The following CFAP70 variants were observed in gnomAD, a reference collection of about 807,000 sequenced individuals.
The protein encoded by CFAP70 is cilia- and flagella-associated protein 70.
CFAP70 carries 81 observed loss-of-function variants against 137.6 expected under a neutral mutation model. The observed-to-expected ratio is 0.59, with a 90% CI of 0.49 to 0.71. The LOEUF is 0.71. Among genes scored for constraint, CFAP70 ranks in the 30% least tolerant of loss-of-function variants. The pLI is 0.00. For missense variants in CFAP70, 976 were observed against 1,226.7 expected, an observed-to-expected ratio of 0.80 and a Z score of 3.05; for synonymous variants, 382 against 423.6, an observed-to-expected ratio of 0.90 and a Z score of 1.20.
chr10:73,312,664 CAAAA>C, intron 9 of CFAP70, 21 bp from the exon 11 acceptor site: 1 of 1,515,592 alleles, frequency 6.6e-7, no homozygotes, highest in South Asian at 1.3e-5. Flanking sequence ...AAAAAACAAA[CAAAA>C]AAAAGCAATA....
chr10:73,308,621 TC>T lies in CFAP70; in HGVS notation c.1256+1536del, dbSNP rs1213668499. 3.4e-4 allele frequency among the ~76,000 whole-genome samples: 41 copies of T among 121,560 alleles called. No homozygotes were observed. The East Asian group carries it at 9.5e-3, about 28-fold the overall frequency. The allele number at this position is 121,560 out of a possible 152,430, so 79.7% of individuals were successfully genotyped here. On this transcript the variant is annotated intron_variant, in intron 12 of 26. Transcript: ENST00000310715. Reference sequence around the variant, plus strand: ...CCAGCTTGGGCAACAAGAGTGAAACTCCGTCTCAAAAAAAAAAAAAAAAAGA... The same window carrying T: ...CCAGCTTGGGCAACAAGAGTGAAACTCGTCTCAAAAAAAAAAAAAAAAAGA...
intron 6 of CFAP70, among the ~76,000 whole-genome samples, chr10:73,339,301 C>G (rs2053016638): frequency 6.6e-6 from 1 of 151,436 alleles, no homozygotes; most frequent in South Asian, 2.1e-4. Flanking sequence ...GAAACCTTTT[C>G]TTTACTTTTC....
intron 12 of CFAP70, among the ~76,000 whole-genome samples, chr10:73,302,826 G>A (rs937395040): frequency 7.2e-5 from 11 of 151,742 alleles, no homozygotes; most frequent in Admixed American, 3.9e-4. Context: ...AGCCTGCAAC[G>A]AAAGGCAAAT....
At chr10:73,323,846 A>G (rs2051119735) in intron 8 of CFAP70, among the ~76,000 whole-genome samples, 1 of 152,230 alleles carries the variant, frequency 6.6e-6, no homozygotes, top group Admixed American at 6.5e-5. Flanking sequence ...GGTGGAGCCC[A>G]CCACAGCTCA....
At chr10:73,350,178 G>A (rs1041198146) in intron 3 of CFAP70, among the ~76,000 whole-genome samples, 13 of 152,224 alleles carry the variant, frequency 8.5e-5, no homozygotes, top group African/African-American at 2.9e-4. Context: ...GAAGACACCA[G>A]GCCAATAGTT....
At chr10:73,326,793 C>G (rs1392841382) in intron 8 of CFAP70, among the ~76,000 whole-genome samples, 4 of 151,264 alleles carry the variant, frequency 2.6e-5, no homozygotes, top group African/African-American at 9.7e-5. Context: ...CCAGGAAGAA[C>G]TTGAATCTCT....
At position 73,275,675 on chromosome 10, in the gene CFAP70, GATA is replaced by G; in HGVS notation, c.2521-80_2521-78del. ...TTTTCGGTTGAAGGATTCTGTCTCT[GATA>G]ATAAATAATACGAAATGTATTACAG... On this transcript the variant is annotated intron_variant, in intron 21 of 26. Coordinates refer to ENST00000310715, the Ensembl canonical transcript of CFAP70. This position sits in a 1 kb window ranked among gnomAD's most constrained non-coding sequence, Gnocchi z 4.0. 1 of 1,231,018 alleles carries G rather than the reference GATA, an allele frequency of 8.1e-7. No homozygotes were observed. The highest frequency in any genetic ancestry group is 1.1e-6 in the Non-Finnish European group (1 of 914,268). The allele number at this position is 1,231,018 out of a possible 1,614,324, so 76.3% of individuals were successfully genotyped here.
intron 12 of CFAP70, among the ~76,000 whole-genome samples, chr10:73,303,062 A>G (rs1589412017): frequency 6.6e-6 from 1 of 150,392 alleles, no homozygotes; most frequent in Non-Finnish European, 1.5e-5. Context: ...ACACCCAACT[A>G]ATTTTTTTAT....
In CFAP70 at chr10:73,303,571, C is replaced by G. The variant is rs1589413802; in HGVS notation, c.1257-3906G>C. On this transcript the variant is annotated intron_variant, in intron 12 of 26. Coordinates refer to ENST00000310715, the Ensembl canonical transcript of CFAP70. Reference sequence around the variant, plus strand: ...TCTATAATTTTATCACTTGGCCTAGCTTGGAGAAGAAATGCCTTTGAAAAA... The same window carrying G: ...TCTATAATTTTATCACTTGGCCTAGGTTGGAGAAGAAATGCCTTTGAAAAA... 3.3e-5 allele frequency among the ~76,000 whole-genome samples: 5 copies of G among 151,026 alleles called. No homozygotes were observed. In the East Asian group the frequency reaches 1.0e-3, roughly 30 times the overall value.
At chr10:73,269,347 T>C (rs1293357047) in intron 25 of CFAP70, among the ~76,000 whole-genome samples, 1 of 152,226 alleles carries the variant, frequency 6.6e-6, no homozygotes, top group Non-Finnish European at 1.5e-5. Context: ...CATCAATCTG[T>C]GACCTAGTTT....
chr10:73,321,290 C>T (rs1646793918), intron 9 of CFAP70, among the ~76,000 whole-genome samples: 1 of 152,036 alleles, frequency 6.6e-6, no homozygotes. Context: ...TGGTAGCATG[C>T]ACCTGTAATC....
At position 73,291,976 on chromosome 10, in the gene CFAP70, C is replaced by T. The variant is rs749161788; in HGVS notation, c.1809G>A (p.Leu603=). Residue 603 remains leucine (L), a synonymous_variant, in exon 17 of 27, where the codon TTG becomes TTA. Transcript: ENST00000310715. ...TTAGGAGGCAGAAGGCACCATAGTC[C>T]AACCAGTGATCCAGATTCTGGGGCT... 9.9e-6 allele frequency: 16 copies of T among 1,614,018 alleles called. No individual in the cohort carries two copies. In the East Asian group the frequency reaches 3.3e-4, roughly 34 times the overall value.
rs1295182915 is a variant in CFAP70 at position 73,272,913 on chromosome 10, C to G, written c.2925+15G>C. 6.4e-7 allele frequency: 1 copy of G among 1,550,600 alleles called. No homozygotes were observed. The highest frequency in any genetic ancestry group is 8.7e-7 in the Non-Finnish European group (1 of 1,146,084). On this transcript the variant is annotated intron_variant, in intron 24 of 26. Transcript: ENST00000310715. ...CTGTATCCACAGCCCTAGTCTCAAG[C>G]CTTCATCCTCTTACCCGATAGCAGG... is the stretch of plus-strand genomic sequence containing the variant.
intron 12 of CFAP70, among the ~76,000 whole-genome samples, chr10:73,302,873 C>T (rs895928460): frequency 2.3e-5 from 3 of 132,518 alleles, no homozygotes; most frequent in South Asian, 2.4e-4. Context: ...TTTCTTTTTT[C>T]TTTTCTTTTC....
intron 1 of CFAP70, among the ~76,000 whole-genome samples, chr10:73,357,047 C>T (rs1304657056): frequency 6.6e-6 from 1 of 152,022 alleles, no homozygotes; most frequent in Non-Finnish European, 1.5e-5. Flanking sequence ...GAGACAGGTG[C>T]TCTGACAGAG....
intron 3 of CFAP70, among the ~76,000 whole-genome samples, chr10:73,349,366 C>T (rs893148633): frequency 7.2e-5 from 11 of 151,770 alleles, no homozygotes; most frequent in African/African-American, 2.7e-4. Context: ...AATGAAACCC[C>T]ATCTCTACTA....
intron 24 of CFAP70, among the ~76,000 whole-genome samples, chr10:73,270,056 T>A (rs1240287628): frequency 6.6e-6 from 1 of 152,232 alleles, no homozygotes; most frequent in Non-Finnish European, 1.5e-5. Flanking sequence ...CTCACTCTCA[T>A]GTGTGCATCA....
chr10:73,314,480 T>C (rs2050175219), intron 9 of CFAP70, among the ~76,000 whole-genome samples: 1 of 152,174 alleles, frequency 6.6e-6, no homozygotes. Context: ...ATAATAAGAG[T>C]ATTTCATATA....
chr10:73,324,150 C>A (rs199725401), intron 8 of CFAP70, among the ~76,000 whole-genome samples: 2 of 152,178 alleles, frequency 1.3e-5, no homozygotes, highest in South Asian at 4.1e-4. Flanking sequence ...TCCAGAGGAA[C>A]GATCAGACAG....
Sources: gnomAD v4.1 joint callset for allele counts (sites outside exome capture counted in the v4.1 genomes callset) on GRCh38, gnomAD v4.1.1 for gene constraint, Gnocchi (gnomAD v3.1) non-coding constraint, MANE v1.5 for transcripts, NCBI Gene and HGNC (gene_info 2026-07-23, HGNC 2026-07-21) for gene names.